DMD: variants seen among roughly 807,000 people sequenced by gnomAD.
DMD encodes dystrophin, also known as mutant dystrophin.
In DMD, 63 loss-of-function variants were observed where a neutral mutation model predicts 330.1. The observed-to-expected ratio is 0.19, with a 90% CI of 0.16 to 0.24. The LOEUF is 0.24. DMD is among the 10% of genes least tolerant of loss of function. The pLI, the probability that DMD is intolerant of heterozygous loss-of-function variation, is 1.00. For synonymous variants in DMD, 1,223 were observed against 959.8 expected (o/e 1.27, Z -5.07); for missense variants, 3,344 against 2,684.1 (o/e 1.25, Z -5.43).
Position 33,083,178 on chromosome X carries a change from C to T in DMD, c.32-62978G>A, listed in dbSNP as rs752726517. Among the ~76,000 whole-genome samples the T allele has an allele frequency of 2.7e-5, 3 of 111,946 alleles. No individual in the cohort carries two copies. The Admixed American group carries it at 2.9e-4, about 11-fold the overall frequency. ...GAGTGGCGTCTTACGACCCTGCTTG[C>T]TTGTGCTATAGCTGTGGGGTTTAAG... On this transcript the variant is annotated intron_variant, in intron 1 of 78. Coordinates refer to ENST00000357033, the MANE Select transcript of DMD (RefSeq NM_004006.3).
chrX:32,837,762 G>A (rs1465353139), intron 4 of DMD, among the ~76,000 whole-genome samples: 1 of 111,880 alleles, frequency 8.9e-6, no homozygotes, highest in African/African-American at 3.2e-5. Context: ...AAATGCTTTT[G>A]CCCTATGAAA....
chrX:31,523,990 T>C (rs1222258367), intron 55 of DMD, among the ~76,000 whole-genome samples: 5 of 112,025 alleles, frequency 4.5e-5, no homozygotes, highest in African/African-American at 9.7e-5. Context: ...GTGTTCTTTA[T>C]TGCATGAATA....
At chrX:32,289,841 T>C (rs2097459209) in intron 42 of DMD, among the ~76,000 whole-genome samples, 1 of 111,843 alleles carries the variant, frequency 8.9e-6, no homozygotes. Context: ...ATCCACCCCT[T>C]GTTTAGCATA....
At chrX:32,491,654 TATAA>T (rs2148633850) in intron 19 of DMD, 136 bp from the exon 20 acceptor site, 1 of 603,727 alleles carries the variant, frequency 1.7e-6, no homozygotes, top group East Asian at 3.7e-5. Flanking sequence ...TTTTCTAAGA[TATAA>T]ATGTGTAAAT....
intron 60 of DMD, among the ~76,000 whole-genome samples, chrX:31,357,322 C>G (rs931477181): frequency 4.8e-4 from 44 of 91,539 alleles, no homozygotes; most frequent in Non-Finnish European, 1.9e-4. Context: ...TTCCAAGGAA[C>G]AAAAGTGGCA....
At chrX:31,424,919 G>T (rs1206442378) in intron 60 of DMD, among the ~76,000 whole-genome samples, 4 of 112,005 alleles carry the variant, frequency 3.6e-5, no homozygotes, top group Non-Finnish European at 7.5e-5. Context: ...GGGCATATGG[G>T]GTGTAGCTGA....
intron 17 of DMD, among the ~76,000 whole-genome samples, chrX:32,540,007 T>C (rs1039911304): frequency 1.8e-5 from 2 of 111,838 alleles, no homozygotes; most frequent in African/African-American, 6.5e-5. Context: ...TTGGGGGAAA[T>C]TATCTTTATT....
At chrX:32,286,061 G>C (rs1390688398) in intron 43 of DMD, among the ~76,000 whole-genome samples, 1 of 110,929 alleles carries the variant, frequency 9.0e-6, no homozygotes, top group Non-Finnish European at 1.9e-5. Context: ...TCAGGTTTCG[G>C]AGAGGAGGCT....
At chrX:32,062,917 G>GAAA (rs11418420) in intron 44 of DMD, among the ~76,000 whole-genome samples, 4 of 105,929 alleles carry the variant, frequency 3.8e-5, no homozygotes, top group Non-Finnish European at 7.9e-5. Context: ...TTATTGAAAG[G>GAAA]AAAAAAAAAC....
chrX:32,038,897 C>T lies in DMD; in HGVS notation c.6439-70383G>A, dbSNP rs144640663. 3.4e-3 allele frequency among the ~76,000 whole-genome samples: 376 copies of T among 111,326 alleles called. 2 individuals carry two copies. Among genetic ancestry groups the T allele is most frequent in the African/African-American group, 0.012 (365 of 30,654 alleles). On this transcript the variant is annotated intron_variant, in intron 44 of 78. Transcript: ENST00000357033. Reference sequence around the variant, plus strand: ...AAAGGGCTTACAATTTCCCTGTAATCGTGTCACTTGGATCAGCTTACACAG... The same window carrying T: ...AAAGGGCTTACAATTTCCCTGTAATTGTGTCACTTGGATCAGCTTACACAG...
chrX:32,040,250 A>C (rs1186860864), intron 44 of DMD, among the ~76,000 whole-genome samples: 2 of 111,189 alleles, frequency 1.8e-5, no homozygotes, highest in Non-Finnish European at 3.8e-5. Flanking sequence ...GTGTGTGTGT[A>C]AGCGTGTGTG....
chrX:31,255,932 C>T (rs1393295073), intron 63 of DMD, among the ~76,000 whole-genome samples: 2 of 109,432 alleles, frequency 1.8e-5, no homozygotes, highest in Non-Finnish European at 3.8e-5. Context: ...TGTGCCACCA[C>T]ACCTGGCTAA....
chrX:32,585,366 AT>A (rs2054118904), intron 13 of DMD, among the ~76,000 whole-genome samples: 1 of 112,204 alleles, frequency 8.9e-6, no homozygotes, highest in African/African-American at 3.2e-5. Context: ...AAACTTAAAA[AT>A]TTTTTGTAAA....
At chrX:32,777,060 CTT>C (rs112879482) in intron 7 of DMD, among the ~76,000 whole-genome samples, 12 of 103,481 alleles carry the variant, frequency 1.2e-4, no homozygotes, top group African/African-American at 3.9e-4. Context: ...ATAAATTTGT[CTT>C]TTTTTTTTGT....
At chrX:31,776,369 C>A (rs1354952939) in intron 50 of DMD, among the ~76,000 whole-genome samples, 1 of 109,073 alleles carries the variant, frequency 9.2e-6, no homozygotes, top group Non-Finnish European at 1.9e-5. Flanking sequence ...AAAATTTGAC[C>A]CTCAAATAAG....
chrX:32,246,811 C>A (rs910405348), intron 43 of DMD, among the ~76,000 whole-genome samples: 2 of 110,791 alleles, frequency 1.8e-5, no homozygotes, highest in African/African-American at 3.3e-5. Flanking sequence ...GTGGTGATAT[C>A]ACTTCTGTTA....
At chrX:31,683,481 C>G (rs1377694925) in intron 52 of DMD, among the ~76,000 whole-genome samples, 1 of 112,123 alleles carries the variant, frequency 8.9e-6, no homozygotes, top group East Asian at 2.8e-4. Flanking sequence ...ACATTTTAGT[C>G]AGGAGGACTG....
intron 7 of DMD, among the ~76,000 whole-genome samples, chrX:32,732,574 C>A (rs1338217810): frequency 2.7e-5 from 3 of 111,486 alleles, no homozygotes; most frequent in Admixed American, 9.5e-5. Context: ...TCGGCAGACA[C>A]CCTACAAGCC....
chrX:33,168,130 T>C (rs2049152591), intron 1 of DMD, among the ~76,000 whole-genome samples: 1 of 110,519 alleles, frequency 9.0e-6, no homozygotes, highest in Non-Finnish European at 1.9e-5. Flanking sequence ...TGTTTGTGTG[T>C]GTATATATTT....
Sources: allele counts gnomAD v4.1 joint callset (sites outside exome capture counted in the v4.1 genomes callset), GRCh38; gene constraint gnomAD v4.1.1; transcripts MANE v1.5; gene names NCBI Gene and HGNC (gene_info 2026-07-23, HGNC 2026-07-21).